Variants in MAPT observed in about 807,000 individuals in gnomAD.
MAPT encodes the protein microtubule-associated protein tau.
Under a neutral mutation model 67.9 loss-of-function variants are expected in MAPT, and 34 were observed. That is an observed-to-expected ratio of 0.50 (90% CI 0.38 to 0.67). MAPT has a LOEUF of 0.67. MAPT is among the 30% of genes least tolerant of loss of function. The pLI, the probability that MAPT is intolerant of heterozygous loss-of-function variation, is 0.00. For missense variants in MAPT, 881 were observed against 1,115.2 expected, an observed-to-expected ratio of 0.79 and a Z score of 2.99; for synonymous variants, 456 against 464.5, an observed-to-expected ratio of 0.98 and a Z score of 0.23.
intron 1 of MAPT, among the ~76,000 whole-genome samples, chr17:45,943,039 A>G (rs144194426): frequency 1.3e-4 from 20 of 152,298 alleles, no homozygotes; most frequent in Non-Finnish European, 1.3e-4. Context: ...GGAGATGTGT[A>G]TGCTTGCCCT....
chr17:45,958,924 G>T (rs773856891), intron 1 of MAPT, among the ~76,000 whole-genome samples: 1 of 152,050 alleles, frequency 6.6e-6, no homozygotes, highest in Non-Finnish European at 1.5e-5. Flanking sequence ...TTCGCCAAGC[G>T]TGGTGGCACA....
At chr17:45,931,402 A>G (rs1448960037) in intron 1 of MAPT, among the ~76,000 whole-genome samples, 2 of 152,180 alleles carry the variant, frequency 1.3e-5, no homozygotes, top group Non-Finnish European at 2.9e-5. Flanking sequence ...TAAAAAGTAA[A>G]TATTATACTA....
In MAPT at chr17:45,991,832, C is replaced by T. The variant is rs62063800; in HGVS notation, c.1732+246C>T. 0.15 allele frequency among the ~76,000 whole-genome samples: 21,929 copies of T among 151,220 alleles called. 2,111 individuals carry two copies. The highest frequency in any genetic ancestry group is 0.22 in the Non-Finnish European group (14,671 of 67,762). Reference sequence around the variant, plus strand: ...AGAGTTTCGCTTTTGTTATCCAGGCCGGAGTGCAGTGGTGTGATCTCAGCT... The same window carrying T: ...AGAGTTTCGCTTTTGTTATCCAGGCTGGAGTGCAGTGGTGTGATCTCAGCT... On this transcript the variant is annotated intron_variant, in intron 8 of 12. Coordinates refer to ENST00000262410, the MANE Select transcript of MAPT (RefSeq NM_001377265.1).
chr17:46,011,646 T>G (rs2075825850), intron 10 of MAPT, among the ~76,000 whole-genome samples: 1 of 152,162 alleles, frequency 6.6e-6, no homozygotes, highest in Non-Finnish European at 1.5e-5. Flanking sequence ...CCTGGGGAGC[T>G]GGACGTATGA....
At chr17:45,974,373 G>T in intron 3 of MAPT, 13 of 1,590,326 alleles carry the variant, frequency 8.2e-6, no homozygotes, top group South Asian at 1.1e-5. Flanking sequence ...GGTGGATCTC[G>T]GTGGTTTCTA....
chr17:45,901,049 G>C (rs2063578782), intron 1 of MAPT, among the ~76,000 whole-genome samples: 1 of 152,196 alleles, frequency 6.6e-6, no homozygotes, highest in Non-Finnish European at 1.5e-5. Flanking sequence ...TAGGGATCAA[G>C]ATAGGAAAAG....
intron 1 of MAPT, among the ~76,000 whole-genome samples, chr17:45,951,154 G>T (rs967674436): frequency 6.6e-6 from 1 of 152,186 alleles, no homozygotes; most frequent in Non-Finnish European, 1.5e-5. Context: ...ATCCAGAAGA[G>T]ATACATCCAT....
chr17:45,924,579 A>C (rs1404599581), intron 1 of MAPT, among the ~76,000 whole-genome samples: 1 of 152,106 alleles, frequency 6.6e-6, no homozygotes, highest in Non-Finnish European at 1.5e-5. Context: ...CTCCCTGACC[A>C]CGCAGCCCCT....
intron 9 of MAPT, among the ~76,000 whole-genome samples, chr17:46,003,127 C>T (rs189276442): frequency 1.5e-3 from 215 of 140,220 alleles, no homozygotes; most frequent in African/African-American, 5.2e-3. Context: ...TGTGTGGGCG[C>T]ACTCTCGTCT....
chr17:45,999,514 A>G, intron 9 of MAPT: 1 of 1,613,950 alleles, frequency 6.2e-7, no homozygotes, highest in East Asian at 2.2e-5. Flanking sequence ...CAGTTCTTAC[A>G]GCTCTGAAGA....
At position 45,915,236 on chromosome 17, in the gene MAPT, G is replaced by A. The variant is rs1471372173; in HGVS notation, c.-18+20550G>A. Among the ~76,000 whole-genome samples the A allele has an allele frequency of 2.6e-5, 4 of 151,790 alleles. No individual in the cohort carries two copies. Among genetic ancestry groups the A allele is most frequent in the African/African-American group, 9.7e-5 (4 of 41,322 alleles). On this transcript the variant is annotated intron_variant, in intron 1 of 12. Coordinates refer to ENST00000262410, the MANE Select transcript of MAPT (RefSeq NM_001377265.1). The surrounding 1 kb of genome is among the most constrained non-coding windows in gnomAD (Gnocchi z 4.4). ...TGCGCGCAAAGTGTGGGGGGATGGG[G>A]GTGAGTGTGTGTGGTGTGTAAGCAT...
At chr17:45,963,603 A>T (rs1265865598) in intron 2 of MAPT, among the ~76,000 whole-genome samples, 1 of 152,028 alleles carries the variant, frequency 6.6e-6, no homozygotes, top group Admixed American at 6.5e-5. Context: ...AATGGCAAAC[A>T]CTCTACTTTT....
At chr17:45,938,954 C>T (rs1416918506) in intron 1 of MAPT, among the ~76,000 whole-genome samples, 1 of 151,820 alleles carries the variant, frequency 6.6e-6, no homozygotes, top group Non-Finnish European at 1.5e-5. Context: ...GCTGGGACTA[C>T]AGGTGTGCAC....
chr17:45,960,135 G>A (rs185423937), intron 1 of MAPT, among the ~76,000 whole-genome samples: 16 of 152,348 alleles, frequency 1.1e-4, no homozygotes, highest in African/African-American at 3.8e-4. Context: ...ATTTGCACAA[G>A]TGCCTGATCT....
At position 45,941,612 on chromosome 17, in the gene MAPT, CTCCCCCCT is replaced by C. The variant is rs1235420398; in HGVS notation, c.-17-20704_-17-20697del. Among the ~76,000 whole-genome samples the C allele has an allele frequency of 5.7e-3, 630 of 110,282 alleles. 18 individuals are homozygous for C. The highest frequency in any genetic ancestry group is 0.02 in the African/African-American group (535 of 27,220). 72.3% of individuals were successfully genotyped at this position (110,282 alleles called of 152,430 possible). A position where few individuals can be genotyped will look rare whatever the true frequency, so the allele number is the denominator to read the frequency against. ...CGCCCTTCCTTCCTTCCTTCCCTCC[CTCCCCCCT>C]TCCCTCCTTCCCTCTTTCCCTCCTT... On this transcript the variant is annotated intron_variant, in intron 1 of 12. Coordinates refer to ENST00000262410, the MANE Select transcript of MAPT (RefSeq NM_001377265.1).
At chr17:45,931,163 AG>A (rs1265768668) in intron 1 of MAPT, among the ~76,000 whole-genome samples, 1 of 152,186 alleles carries the variant, frequency 6.6e-6, no homozygotes, top group East Asian at 1.9e-4. Context: ...CTGATGTTGA[AG>A]GGGTTTCTCA....
chr17:46,015,037 G>A (rs377398956), intron 11 of MAPT, among the ~76,000 whole-genome samples: 11 of 152,126 alleles, frequency 7.2e-5, no homozygotes, highest in Non-Finnish European at 1.6e-4. Flanking sequence ...ATTTGATAGT[G>A]CAACAGGGTG....
In MAPT at chr17:45,982,048, A is replaced by G. The variant is rs569329278; in HGVS notation, c.287-818A>G. Among the ~76,000 whole-genome samples, 6 of 142,462 alleles carry G rather than the reference A, an allele frequency of 4.2e-5. No individual in the cohort carries two copies. The East Asian group carries it at 9.9e-4, about 24-fold the overall frequency. The allele number at this position is 142,462 out of a possible 152,430, so 93.5% of individuals were successfully genotyped here. On this transcript the variant is annotated intron_variant, in intron 4 of 12. Transcript: ENST00000262410. ...AAAAAAAAAAAGAAAGAAAGAAAGGAAAAAAAAAACTCATGCCTGTAATCC... is the reference window on the plus strand; with the variant it reads ...AAAAAAAAAAAGAAAGAAAGAAAGGGAAAAAAAAACTCATGCCTGTAATCC...
chr17:46,017,920 C>G (rs539745372), intron 11 of MAPT, among the ~76,000 whole-genome samples: 15 of 151,566 alleles, frequency 9.9e-5, no homozygotes, highest in African/African-American at 3.4e-4. Flanking sequence ...CCGAGGCAGG[C>G]AGATCAGGAG....
Sources: gnomAD v4.1 joint callset for allele counts (sites outside exome capture counted in the v4.1 genomes callset) on GRCh38, gnomAD v4.1.1 for gene constraint, Gnocchi (gnomAD v3.1) non-coding constraint, MANE v1.5 for transcripts, NCBI Gene and HGNC (gene_info 2026-07-23, HGNC 2026-07-21) for gene names.